CFAP53: variants seen among roughly 807,000 people sequenced by gnomAD.
CFAP53 encodes cilia- and flagella-associated protein 53.
Under a neutral mutation model 59.7 loss-of-function variants are expected in CFAP53, and 62 were observed. The observed-to-expected ratio is 1.04, with a 90% CI of 0.85 to 1.28. The LOEUF (loss-of-function observed/expected upper bound fraction) is 1.28. Among genes scored for constraint, CFAP53 ranks in the 50% most tolerant of loss-of-function variants. CFAP53 has a pLI of 0.00. For synonymous variants in CFAP53, 218 were observed against 205.7 expected (o/e 1.06, Z -0.51); for missense variants, 629 against 615.6 (o/e 1.02, Z -0.23).
At chr18:50,259,481 G>A (rs1167437663) in intron 3 of CFAP53, among the ~76,000 whole-genome samples, 1 of 151,026 alleles carries the variant, frequency 6.6e-6, no homozygotes, top group Non-Finnish European at 1.5e-5. Flanking sequence ...GGTGGAGGTG[G>A]GGACAGTTAA....
In CFAP53 at chr18:50,250,045, C is replaced by G. The variant is rs34674513; in HGVS notation, c.996+713G>C. ...ACCAGGCTGGGCAACTTGGCAAAAC[C>G]CTGTCTCTACAAAAAATACATAAAT... On this transcript the variant is annotated intron_variant, in intron 5 of 7. Coordinates refer to ENST00000398545, the MANE Select transcript of CFAP53 (RefSeq NM_145020.5). Among the ~76,000 whole-genome samples, 3 of 151,614 alleles carry G rather than the reference C, an allele frequency of 2.0e-5. No individual in the cohort carries two copies. In the East Asian group the frequency reaches 5.8e-4, roughly 29 times the overall value.
At chr18:50,232,700 A>G (rs1348655077) in intron 7 of CFAP53, among the ~76,000 whole-genome samples, 1 of 152,192 alleles carries the variant, frequency 6.6e-6, no homozygotes, top group Non-Finnish European at 1.5e-5. Flanking sequence ...GCTCACCTTA[A>G]CTGATAACTT....
At chr18:50,242,206 T>A (rs1293591335) in intron 6 of CFAP53, among the ~76,000 whole-genome samples, 6 of 152,214 alleles carry the variant, frequency 3.9e-5, no homozygotes, top group Non-Finnish European at 8.8e-5. Context: ...GTGCATTGAT[T>A]TCATATTGTT....
intron 7 of CFAP53, among the ~76,000 whole-genome samples, chr18:50,238,241 T>C (rs1329162040): frequency 6.6e-6 from 1 of 152,188 alleles, no homozygotes; most frequent in Non-Finnish European, 1.5e-5. Flanking sequence ...ATGGTCTTTA[T>C]GTTGAAAATC....
rs113764917 is a variant in CFAP53 at position 50,250,956 on chromosome 18, A to T, written c.798T>A (p.Ile266=). Residue 266 remains isoleucine, a synonymous_variant, in exon 5 of 8, where the codon ATT becomes ATA. Coordinates refer to ENST00000398545, the MANE Select transcript of CFAP53 (RefSeq NM_145020.5). ...ARLVESNNAQ[I]KHENEQDMLK... ...GCATATCCTGTTCATTCTCATGTTT[A>T]ATCTGTGCGTTGTTACTTTCCTAAG... 1.2e-3 allele frequency: 1,941 copies of T among 1,614,012 alleles called. 15 individuals carry two copies. In the African/African-American group the frequency reaches 0.021, roughly 18 times the overall value.
chr18:50,238,602 C>A lies in CFAP53; in HGVS notation c.1316+1G>T, dbSNP rs2144407848. 1.2e-6 allele frequency: 2 copies of A among 1,604,246 alleles called. No individual in the cohort carries two copies. The highest frequency in any genetic ancestry group is 1.7e-4 in the Middle Eastern group (1 of 6,008). ...TGATGATACAGAAAACAAAATCATA[C>A]CTTGCAAAATTCTCCTTCTCTTCAC... is the stretch of plus-strand genomic sequence containing the variant. On this transcript the variant is annotated splice_donor_variant, in intron 7 of 7. Transcript: ENST00000398545. LOFTEE classifies it high-confidence loss of function.
chr18:50,262,247 T>A, intron 1 of CFAP53, 28 bp from the exon 2 acceptor site: 1 of 1,566,454 alleles, frequency 6.4e-7, no homozygotes, highest in Non-Finnish European at 8.8e-7. Context: ...CTATCACTTA[T>A]AATAAGCCAA....
intron 7 of CFAP53, among the ~76,000 whole-genome samples, chr18:50,236,352 T>C (rs573225141): frequency 6.6e-6 from 1 of 152,346 alleles, no homozygotes; most frequent in African/African-American, 2.4e-5. Flanking sequence ...TTTACCCCCA[T>C]GCCACCAGCC....
chr18:50,237,061 C>G (rs1336921297), intron 7 of CFAP53, among the ~76,000 whole-genome samples: 1 of 151,374 alleles, frequency 6.6e-6, no homozygotes, highest in African/African-American at 2.4e-5. Context: ...AATCCCAGCA[C>G]TTTGGGAGTC....
chr18:50,238,044 A>C (rs577035125), intron 7 of CFAP53, among the ~76,000 whole-genome samples: 48 of 152,314 alleles, frequency 3.2e-4, no homozygotes, highest in Non-Finnish European at 6.2e-4. Flanking sequence ...TTTTATTTTT[A>C]AAGATATTCA....
rs550750391 is a variant in CFAP53 at position 50,242,825 on chromosome 18, G to A, written c.1213+75C>T. The A allele has an allele frequency of 4.2e-5, 49 of 1,179,264 alleles. No individual in the cohort carries two copies. The African/African-American group carries it at 6.0e-4, about 15-fold the overall frequency. 73.1% of individuals were successfully genotyped at this position (1,179,264 alleles called of 1,614,324 possible). A position where few individuals can be genotyped will look rare whatever the true frequency, so the allele number is the denominator to read the frequency against. ...TGGTGTTTTACATAATAAGTATTAT[G>A]GTTGTTAGTATTTTGGTTGTTACTT... On this transcript the variant is annotated intron_variant, in intron 6 of 7. Transcript: ENST00000398545.
intron 1 of CFAP53, among the ~76,000 whole-genome samples, chr18:50,263,653 T>A (rs1475593398): frequency 6.6e-6 from 1 of 152,048 alleles, no homozygotes; most frequent in Non-Finnish European, 1.5e-5. Flanking sequence ...TCTGTGAAAA[T>A]AAAGCAGAGG....
intron 6 of CFAP53, 45 bp downstream of exon 6, chr18:50,242,855 T>C (rs2033704144): frequency 6.6e-7 from 1 of 1,505,448 alleles, no homozygotes; most frequent in Admixed American, 1.7e-5. Flanking sequence ...TTACTTAAAT[T>C]GAATTAAGGG....
intron 6 of CFAP53, among the ~76,000 whole-genome samples, chr18:50,239,240 T>C (rs963119906): frequency 6.6e-6 from 1 of 151,688 alleles, no homozygotes; most frequent in Non-Finnish European, 1.5e-5. Context: ...GTACAAAAAT[T>C]AGCTGGGCAT....
intron 3 of CFAP53, among the ~76,000 whole-genome samples, chr18:50,254,655 A>G (rs2033831196): frequency 6.6e-6 from 1 of 152,174 alleles, no homozygotes; most frequent in African/African-American, 2.4e-5. Flanking sequence ...TTGGGAGGCC[A>G]AGGTGGACGG....
At chr18:50,242,340 A>C (rs2033697977) in intron 6 of CFAP53, among the ~76,000 whole-genome samples, 1 of 152,236 alleles carries the variant, frequency 6.6e-6, no homozygotes, top group Non-Finnish European at 1.5e-5. Context: ...AGGCATAAGA[A>C]ATTATAAAAG....
chr18:50,232,163 A>C (rs2033590009), intron 7 of CFAP53, among the ~76,000 whole-genome samples: 1 of 152,226 alleles, frequency 6.6e-6, no homozygotes, highest in Non-Finnish European at 1.5e-5. Context: ...ACCATCCCCA[A>C]GCAGCATGTT....
chr18:50,245,226 C>G (rs1185202567), intron 5 of CFAP53, among the ~76,000 whole-genome samples: 2 of 150,700 alleles, frequency 1.3e-5, no homozygotes, highest in African/African-American at 2.4e-5. Flanking sequence ...ACTAAAAATA[C>G]AAAAAATTAG....
intron 7 of CFAP53, among the ~76,000 whole-genome samples, chr18:50,228,911 G>GGAGAC (rs1225577099): frequency 1.3e-5 from 2 of 152,010 alleles, no homozygotes; most frequent in Non-Finnish European, 2.9e-5. Context: ...ACCAGCCTGG[G>GGAGAC]CAACATAGGG....
Sources: allele counts gnomAD v4.1 joint callset (sites outside exome capture counted in the v4.1 genomes callset), GRCh38; gene constraint gnomAD v4.1.1; transcripts MANE v1.5; gene names NCBI Gene and HGNC (gene_info 2026-07-23, HGNC 2026-07-21).